Variants in PRKD1 observed in about 807,000 individuals in gnomAD.
PRKD1 encodes the protein serine/threonine-protein kinase D1.
A neutral mutation model predicts 95.9 loss-of-function variants in PRKD1; 63 were observed. The ratio of observed to expected loss-of-function variants is 0.66; its 90% CI spans 0.54 to 0.81. The LOEUF is 0.81. Ranked by LOEUF, PRKD1 falls within the 30% of genes least tolerant of loss-of-function variation. The probability of loss-of-function intolerance (pLI) is 0.00; values close to 1 mark genes in which losing one functional copy is unlikely to be tolerated. For missense variants in PRKD1, 1,048 were observed against 1,165.3 expected (o/e 0.90, Z 1.47); for synonymous variants, 425 against 423.1 (o/e 1.00, Z -0.05).
intron 1 of PRKD1, among the ~76,000 whole-genome samples, chr14:29,794,608 T>G (rs906700988): frequency 1.3e-5 from 2 of 152,034 alleles, no homozygotes; most frequent in Admixed American, 6.6e-5. Flanking sequence ...GAATACATAT[T>G]TGAAAGGCAA....
chr14:29,901,717 T>C (rs10137938), intron 1 of PRKD1, among the ~76,000 whole-genome samples: 1,729 of 152,252 alleles, frequency 0.011, 37 homozygotes, highest in African/African-American at 0.04. Flanking sequence ...ATGTCATACT[T>C]TGTCAGTCAA....
chr14:29,615,180 A>G (rs1421579165), intron 13 of PRKD1, among the ~76,000 whole-genome samples: 1 of 152,202 alleles, frequency 6.6e-6, no homozygotes, highest in Non-Finnish European at 1.5e-5. Flanking sequence ...AAGCCTATTC[A>G]TGTATTTAAA....
At chr14:29,639,339 T>C (rs1487919749) in intron 4 of PRKD1, among the ~76,000 whole-genome samples, 3 of 152,052 alleles carry the variant, frequency 2.0e-5, no homozygotes, top group Non-Finnish European at 2.9e-5. Flanking sequence ...TTGCCCTACA[T>C]GGTACTTCAT....
chr14:29,885,944 G>A (rs1190696211), intron 1 of PRKD1, among the ~76,000 whole-genome samples: 1 of 151,886 alleles, frequency 6.6e-6, no homozygotes, highest in Non-Finnish European at 1.5e-5. Flanking sequence ...TCCAGCCTGG[G>A]TGACAGCAAG....
At chr14:29,865,881 G>A (rs1892881257) in intron 1 of PRKD1, among the ~76,000 whole-genome samples, 1 of 151,202 alleles carries the variant, frequency 6.6e-6, no homozygotes, top group African/African-American at 2.5e-5. Flanking sequence ...TGCTAGTCCT[G>A]TATGTTACTG....
chr14:29,750,616 G>GCGCGCGCGCA (rs72239992), intron 1 of PRKD1, among the ~76,000 whole-genome samples: 21 of 148,482 alleles, frequency 1.4e-4, no homozygotes, highest in Admixed American at 4.0e-4. Context: ...ATGAACGCGC[G>GCGCGCGCGCA]CACACACACA....
intron 16 of PRKD1, among the ~76,000 whole-genome samples, chr14:29,582,578 T>C (rs928710748): frequency 2.0e-5 from 3 of 152,184 alleles, no homozygotes; most frequent in Admixed American, 1.3e-4. Context: ...ACTTTTGTGA[T>C]ACTTCCATTT....
At position 29,577,305 on chromosome 14, in the gene PRKD1, TG is replaced by T. The variant is rs1400225126; in HGVS notation, c.2671del (p.His891ThrfsTer12). Reference protein sequence around the residue: ...PTHLINPSASHSDTPETEETE... With the variant: ...PTHLINPSASXSDTPETEETE... ...TTCTTCAGTCTCAGGAGTGTCACTG[TG>T]GCTAGCACTTGGATTGATCAGGTGT... On this transcript the variant is annotated frameshift_variant, in exon 18 of 18. Coordinates refer to ENST00000331968, the MANE Select transcript of PRKD1 (RefSeq NM_002742.3). LOFTEE classifies it high-confidence loss of function. 1 of 1,613,726 alleles carries T rather than the reference TG, an allele frequency of 6.2e-7. No individual in the cohort carries two copies. The highest frequency in any genetic ancestry group is 8.5e-7 in the Non-Finnish European group (1 of 1,179,844).
At chr14:29,789,916 G>A (rs1473362757) in intron 1 of PRKD1, among the ~76,000 whole-genome samples, 3 of 151,722 alleles carry the variant, frequency 2.0e-5, no homozygotes, top group African/African-American at 7.3e-5. Flanking sequence ...AAGCCAGGTG[G>A]ATCAATCCCC....
intron 1 of PRKD1, among the ~76,000 whole-genome samples, chr14:29,749,851 C>A (rs1272667079): frequency 6.6e-6 from 1 of 152,324 alleles, no homozygotes; most frequent in Non-Finnish European, 1.5e-5. Context: ...TATTTTCCTA[C>A]TGCATGTGCA....
chr14:29,587,349 C>A (rs1399064473), intron 16 of PRKD1, among the ~76,000 whole-genome samples: 1 of 152,062 alleles, frequency 6.6e-6, no homozygotes, highest in Non-Finnish European at 1.5e-5. Context: ...AAGTATTATT[C>A]TTTGTTGTTA....
chr14:29,772,862 A>G (rs571385295), intron 1 of PRKD1, among the ~76,000 whole-genome samples: 18 of 152,332 alleles, frequency 1.2e-4, no homozygotes, highest in Admixed American at 9.8e-4. Flanking sequence ...ATTCCTTAGA[A>G]CGCACAACTG....
In PRKD1 at chr14:29,638,774, T is replaced by A; in HGVS notation, c.827A>T (p.His276Leu). 2 of 1,613,810 alleles carry A rather than the reference T, an allele frequency of 1.2e-6. No homozygotes were observed. The highest frequency in any genetic ancestry group is 2.7e-5 in the African/African-American group (2 of 74,928). ...KVKVPHTFVI[H>L]SYTRPTVCQY... Reference sequence around the variant, plus strand: ...GCACACTGTGGGCCGGGTGTAGGAGTGGATGACAAATGTGTGCGGCACTTT... The same window carrying A: ...GCACACTGTGGGCCGGGTGTAGGAGAGGATGACAAATGTGTGCGGCACTTT... Residue 276 changes from histidine (H) to leucine (L), a missense_variant, in exon 5 of 18, where the codon CAC becomes CTC. His to Leu is a moderately conservative substitution (Grantham distance 99, BLOSUM62 -3). Transcript: ENST00000331968.
At chr14:29,735,301 G>T (rs1345078884) in intron 1 of PRKD1, among the ~76,000 whole-genome samples, 1 of 152,136 alleles carries the variant, frequency 6.6e-6, no homozygotes, top group Admixed American at 6.5e-5. Flanking sequence ...ATAACTCTCA[G>T]GCTCCAGTTT....
chr14:29,911,934 AT>A (rs1894729466), intron 1 of PRKD1, among the ~76,000 whole-genome samples: 1 of 152,150 alleles, frequency 6.6e-6, no homozygotes, highest in Non-Finnish European at 1.5e-5. Flanking sequence ...CTGTTGTCAC[AT>A]CTCCTACTAC....
intron 1 of PRKD1, among the ~76,000 whole-genome samples, chr14:29,767,425 G>A (rs1033700037): frequency 4.6e-5 from 7 of 152,022 alleles, no homozygotes; most frequent in Non-Finnish European, 5.9e-5. Context: ...CAGTTGCCCC[G>A]TGGTTATACC....
At chr14:29,795,067 A>G (rs1889753510) in intron 1 of PRKD1, among the ~76,000 whole-genome samples, 1 of 152,100 alleles carries the variant, frequency 6.6e-6, no homozygotes, top group Non-Finnish European at 1.5e-5. Context: ...CATTTATACC[A>G]GCATTTGTTT....
chr14:29,593,480 C>T lies in PRKD1; in HGVS notation c.2434+4011G>A, dbSNP rs572983431. 3.9e-5 allele frequency among the ~76,000 whole-genome samples: 6 copies of T among 152,250 alleles called. No homozygotes were observed. The South Asian group carries it at 1.0e-3, about 26-fold the overall frequency. On this transcript the variant is annotated intron_variant, in intron 16 of 17. Coordinates refer to ENST00000331968, the MANE Select transcript of PRKD1 (RefSeq NM_002742.3). Reference sequence around the variant, plus strand: ...GTCAGAGCCAGGCTCCTGGGGCTGCCGAATGATTGTTCCCTGGGTGTTAAG... The same window carrying T: ...GTCAGAGCCAGGCTCCTGGGGCTGCTGAATGATTGTTCCCTGGGTGTTAAG...
intron 2 of PRKD1, among the ~76,000 whole-genome samples, chr14:29,715,116 GTAAA>G (rs1885538910): frequency 6.6e-6 from 1 of 151,900 alleles, no homozygotes; most frequent in Non-Finnish European, 1.5e-5. Flanking sequence ...AATTTAAAAA[GTAAA>G]TAAATAATAA....
Sources: gnomAD v4.1 joint callset for allele counts (sites outside exome capture counted in the v4.1 genomes callset) on GRCh38, gnomAD v4.1.1 for gene constraint, MANE v1.5 for transcripts, NCBI Gene and HGNC (gene_info 2026-07-23, HGNC 2026-07-21) for gene names.